HEMK2: variants seen among roughly 807,000 people sequenced by gnomAD.
HEMK2 encodes the protein methyltransferase HEMK2.
the HEMK2 span, among the ~76,000 whole-genome samples, chr21:28,714,521 A>G: frequency 6.6e-6 from 1 of 152,232 alleles, no homozygotes; most frequent in African/African-American, 2.4e-5. Context: ...GTTGGAAACA[A>G]TGAAACCAGA....
chr21:28,609,402 C>A, the HEMK2 span, among the ~76,000 whole-genome samples: 1 of 152,132 alleles, frequency 6.6e-6, no homozygotes, highest in Admixed American at 6.5e-5. Context: ...TGAACAGCAG[C>A]CCTTGAGTCC....
At chr21:28,751,986 A>C in the HEMK2 span, among the ~76,000 whole-genome samples, 11 of 152,184 alleles carry the variant, frequency 7.2e-5, no homozygotes, top group African/African-American at 2.7e-4. Flanking sequence ...GAAAAAAAAA[A>C]TGTTTGTTTT....
chr21:28,623,195 A>T, the HEMK2 span, among the ~76,000 whole-genome samples: 2 of 152,218 alleles, frequency 1.3e-5, no homozygotes, highest in East Asian at 3.8e-4. Context: ...GACACTTCTC[A>T]AAAGAAGAAA....
chr21:28,747,128 T>TA, the HEMK2 span, among the ~76,000 whole-genome samples: 1 of 152,172 alleles, frequency 6.6e-6, no homozygotes, highest in Non-Finnish European at 1.5e-5. Context: ...TCTACAGGTG[T>TA]ACCTGATGTT....
At chr21:28,623,934 T>A in the HEMK2 span, among the ~76,000 whole-genome samples, 11 of 152,184 alleles carry the variant, frequency 7.2e-5, no homozygotes, top group African/African-American at 1.9e-4. Context: ...TATACCTATG[T>A]AACAAACCTG....
the HEMK2 span, among the ~76,000 whole-genome samples, chr21:28,736,793 T>TA: frequency 0.1 from 14,785 of 141,494 alleles, 941 homozygotes; most frequent in East Asian, 0.3. Context: ...TGGATACAAT[T>TA]AAAAAAAAAA....
the HEMK2 span, among the ~76,000 whole-genome samples, chr21:28,739,695 C>T: frequency 6.6e-6 from 1 of 152,184 alleles, no homozygotes; most frequent in African/African-American, 2.4e-5. Flanking sequence ...GCCCTAGGTG[C>T]CTATTCAAAT....
At chr21:28,716,105 AT>A in the HEMK2 span, among the ~76,000 whole-genome samples, 1 of 140,716 alleles carries the variant, frequency 7.1e-6, no homozygotes, top group Non-Finnish European at 1.5e-5. Context: ...TTTGCTTAGG[AT>A]TTCTTTGGCT....
the HEMK2 span, among the ~76,000 whole-genome samples, chr21:28,713,858 T>C: frequency 1.3e-5 from 2 of 152,224 alleles, no homozygotes; most frequent in Non-Finnish European, 2.9e-5. Flanking sequence ...GCCTCAGGTA[T>C]ATGGTTCATC....
the HEMK2 span, among the ~76,000 whole-genome samples, chr21:28,747,939 T>C: frequency 1.3e-5 from 2 of 152,246 alleles, no homozygotes; most frequent in Admixed American, 6.5e-5. Flanking sequence ...GGAGCGTCTA[T>C]GGCTGTGTAA....
At chr21:28,738,662 G>T in the HEMK2 span, among the ~76,000 whole-genome samples, 1 of 152,208 alleles carries the variant, frequency 6.6e-6, no homozygotes. Flanking sequence ...GGCTCTTTAT[G>T]CAGGTCACTG....
chr21:28,852,866 A>G, the HEMK2 span, among the ~76,000 whole-genome samples: 2 of 152,202 alleles, frequency 1.3e-5, no homozygotes, highest in Non-Finnish European at 1.5e-5. Flanking sequence ...AGAGCTCAAC[A>G]TAAGTCACAC....
chr21:28,640,538 A>T, the HEMK2 span, among the ~76,000 whole-genome samples: 1 of 152,246 alleles, frequency 6.6e-6, no homozygotes, highest in South Asian at 2.1e-4. Flanking sequence ...AGGGGCAACC[A>T]CAAACCAACA....
the HEMK2 span, among the ~76,000 whole-genome samples, chr21:28,697,541 CTCTG>C: frequency 6.6e-6 from 1 of 152,174 alleles, no homozygotes; most frequent in African/African-American, 2.4e-5. Flanking sequence ...CTGTTCCAAC[CTCTG>C]TCTGTTACCC....
At chr21:28,649,920 T>A in the HEMK2 span, among the ~76,000 whole-genome samples, 1 of 152,210 alleles carries the variant, frequency 6.6e-6, no homozygotes, top group Non-Finnish European at 1.5e-5. Flanking sequence ...CTACATGGCA[T>A]GTTTGGAAAC....
the HEMK2 span, among the ~76,000 whole-genome samples, chr21:28,796,839 G>A: frequency 6.6e-6 from 1 of 152,158 alleles, no homozygotes; most frequent in East Asian, 1.9e-4. Context: ...CAAAGTGCTG[G>A]GATTACGGAC....
chr21:28,780,038 T>C, the HEMK2 span, among the ~76,000 whole-genome samples: 3 of 152,254 alleles, frequency 2.0e-5, no homozygotes, highest in East Asian at 5.8e-4. Context: ...AAACCTCCCA[T>C]AGCAGGAAGA....
chr21:28,624,819 C>G, the HEMK2 span, among the ~76,000 whole-genome samples: 1 of 152,142 alleles, frequency 6.6e-6, no homozygotes, highest in Non-Finnish European at 1.5e-5. Flanking sequence ...ACCTGAGGCA[C>G]TCACACTTAC....
the HEMK2 span, among the ~76,000 whole-genome samples, chr21:28,879,647 T>C: frequency 1.3e-5 from 2 of 152,226 alleles, no homozygotes; most frequent in Non-Finnish European, 2.9e-5. Flanking sequence ...TGGCCTGATA[T>C]GAATGTGATT....
Sources: gnomAD v4.1 joint callset for allele counts (sites outside exome capture counted in the v4.1 genomes callset) on GRCh38, gnomAD v4.1.1 for gene constraint, MANE v1.5 for transcripts, NCBI Gene and HGNC (gene_info 2026-07-23, HGNC 2026-07-21) for gene names.